Variants in C12orf54 observed in about 807,000 individuals in gnomAD.
The protein encoded by C12orf54 is uncharacterized protein C12orf54.
C12orf54 carries 24 observed loss-of-function variants against 26.4 expected under a neutral mutation model. The ratio of observed to expected loss-of-function variants is 0.91; its 90% CI spans 0.66 to 1.28. C12orf54 has a LOEUF of 1.28. Ranked by LOEUF, C12orf54 falls within the 50% of genes most tolerant of loss-of-function variation. The probability of loss-of-function intolerance (pLI) is 0.00; values close to 1 mark genes in which losing one functional copy is unlikely to be tolerated. For synonymous variants in C12orf54, 54 were observed against 47.0 expected, an observed-to-expected ratio of 1.15 and a Z score of -0.61; for missense variants, 154 against 150.9, an observed-to-expected ratio of 1.02 and a Z score of -0.11.
At chr12:48,438,075 G>A in the C12orf54 span, among the ~76,000 whole-genome samples, 1 of 152,126 alleles carries the variant, frequency 6.6e-6, no homozygotes, top group Non-Finnish European at 1.5e-5. Context: ...CAAAATCAAT[G>A]TACAAAAATC....
the C12orf54 span, among the ~76,000 whole-genome samples, chr12:48,420,191 C>G: frequency 6.6e-6 from 1 of 151,918 alleles, no homozygotes. Flanking sequence ...GATGATAATA[C>G]CCAGTGGGTG....
the C12orf54 span, among the ~76,000 whole-genome samples, chr12:48,463,490 G>C: frequency 6.6e-6 from 1 of 151,866 alleles, no homozygotes; most frequent in African/African-American, 2.4e-5. Flanking sequence ...AATTCTACCA[G>C]AGATACAAAG....
chr12:48,477,899 A>G (rs1321824994), upstream of C12orf54, among the ~76,000 whole-genome samples: 1 of 152,216 alleles, frequency 6.6e-6, no homozygotes, highest in Non-Finnish European at 1.5e-5. Context: ...TCATTTTATG[A>G]GGCCAGCATC....
chr12:48,468,750 C>T, the C12orf54 span, among the ~76,000 whole-genome samples: 1 of 152,030 alleles, frequency 6.6e-6, no homozygotes, highest in Non-Finnish European at 1.5e-5. Context: ...GTTTTCCAGC[C>T]CACATGCACC....
At chr12:48,437,332 G>A in the C12orf54 span, among the ~76,000 whole-genome samples, 1 of 152,182 alleles carries the variant, frequency 6.6e-6, no homozygotes, top group African/African-American at 2.4e-5. Context: ...ACAAGAAGGA[G>A]CTGGTACCCT....
chr12:48,490,206 T>C (rs759667243), intron 5 of C12orf54, among the ~76,000 whole-genome samples: 1 of 152,190 alleles, frequency 6.6e-6, no homozygotes, highest in South Asian at 2.1e-4. Flanking sequence ...GAATTGTGTG[T>C]CTCCCACCCC....
At chr12:48,473,421 T>A in the C12orf54 span, 1 of 691,254 alleles carries the variant, frequency 1.4e-6, no homozygotes, top group Admixed American at 2.3e-5. Flanking sequence ...CTAAGTGGAA[T>A]AATCTATTTT....
chr12:48,488,287 G>T (rs531312470), intron 4 of C12orf54: 69 of 574,646 alleles, frequency 1.2e-4, no homozygotes, highest in Admixed American at 2.7e-4. Context: ...TAGCGATCTG[G>T]AAGACTTACA....
chr12:48,493,015 C>T lies in C12orf54; in HGVS notation c.242+20C>T, dbSNP rs762918932. 1.2e-6 allele frequency: 2 copies of T among 1,611,252 alleles called. No homozygotes were observed. Among genetic ancestry groups the T allele is most frequent in the South Asian group, 2.2e-5 (2 of 91,022 alleles). On this transcript the variant is annotated intron_variant, in intron 7 of 8. Coordinates refer to ENST00000548364, the MANE Select transcript of C12orf54 (RefSeq NM_152319.4). ...GACTGGGTAAGTGTCCCTATTCTGA[C>T]AATGTTCAAGGGAGATGGCACCCAC... is the stretch of plus-strand genomic sequence containing the variant.
the C12orf54 span, among the ~76,000 whole-genome samples, chr12:48,433,456 G>T: frequency 0.09 from 253 of 2,798 alleles, 2 homozygotes; most frequent in Middle Eastern, 0.3. Flanking sequence ...GCTTTTTTTT[G>T]GGGGGGGGGG....
At chr12:48,452,819 G>A in the C12orf54 span, among the ~76,000 whole-genome samples, 1 of 152,104 alleles carries the variant, frequency 6.6e-6, no homozygotes, top group Non-Finnish European at 1.5e-5. Flanking sequence ...TCTCACACCA[G>A]AATGTCTATT....
At chr12:48,418,700 T>C in the C12orf54 span, among the ~76,000 whole-genome samples, 1 of 152,308 alleles carries the variant, frequency 6.6e-6, no homozygotes, top group East Asian at 1.9e-4. Context: ...AGGTGGTGTA[T>C]GTAAAGGAAA....
chr12:48,476,924 C>A, the C12orf54 span, among the ~76,000 whole-genome samples: 1 of 152,188 alleles, frequency 6.6e-6, no homozygotes, highest in Non-Finnish European at 1.5e-5. Flanking sequence ...ACTCTCCATC[C>A]CAAATCAACA....
At chr12:48,434,418 T>A in the C12orf54 span, among the ~76,000 whole-genome samples, 3 of 152,164 alleles carry the variant, frequency 2.0e-5, no homozygotes, top group African/African-American at 7.2e-5. Context: ...AGAGTAGTGG[T>A]TCTCCCAGCT....
At chr12:48,424,418 C>A in the C12orf54 span, among the ~76,000 whole-genome samples, 1 of 151,984 alleles carries the variant, frequency 6.6e-6, no homozygotes, top group Non-Finnish European at 1.5e-5. Flanking sequence ...AGTATTATTT[C>A]TTTCTATAAA....
the C12orf54 span, among the ~76,000 whole-genome samples, chr12:48,458,227 C>T: frequency 1.3e-5 from 2 of 152,216 alleles, no homozygotes; most frequent in African/African-American, 2.4e-5. Context: ...TGCCCTTGGC[C>T]TCATTCACTG....
At chr12:48,462,956 G>C in the C12orf54 span, among the ~76,000 whole-genome samples, 3 of 151,766 alleles carry the variant, frequency 2.0e-5, no homozygotes, top group Admixed American at 6.6e-5. Context: ...AATTAAAACT[G>C]TGCTTATTCA....
At position 48,490,199 on chromosome 12, in the gene C12orf54, TTG is replaced by T. The variant is rs565026124; in HGVS notation, c.169-607_169-606del. Among the ~76,000 whole-genome samples the T allele has an allele frequency of 3.0e-3, 458 of 152,334 alleles. 2 individuals are homozygous for T. The Middle Eastern group carries it at 0.031, about 10-fold the overall frequency. On this transcript the variant is annotated intron_variant, in intron 5 of 8. Coordinates refer to ENST00000548364, the MANE Select transcript of C12orf54 (RefSeq NM_152319.4). ...AATAGTTATGACTGTAAGTGATGAA[TTG>T]TGTGTCTCCCACCCCTAAAGAGGCA...
chr12:48,441,235 A>G, the C12orf54 span, among the ~76,000 whole-genome samples: 28 of 152,318 alleles, frequency 1.8e-4, no homozygotes, highest in African/African-American at 6.7e-4. Context: ...ATCTAGGATA[A>G]CTCTAGTGAT....
Sources: allele counts gnomAD v4.1 joint callset (sites outside exome capture counted in the v4.1 genomes callset), GRCh38; gene constraint gnomAD v4.1.1; transcripts MANE v1.5; gene names NCBI Gene and HGNC (gene_info 2026-07-23, HGNC 2026-07-21).